The following TNFRSF10D variants were observed in gnomAD, a reference collection of about 807,000 sequenced individuals.
TNFRSF10D encodes TNF receptor superfamily member 10d.
Under a neutral mutation model 42.1 loss-of-function variants are expected in TNFRSF10D, and 28 were observed. That is an observed-to-expected ratio of 0.66 (90% CI 0.49 to 0.91). The LOEUF is 0.91. Ranked by LOEUF, TNFRSF10D falls within the 40% of genes least tolerant of loss-of-function variation. TNFRSF10D has a pLI of 0.00. For synonymous variants in TNFRSF10D, 186 were observed against 189.4 expected, an observed-to-expected ratio of 0.98 and a Z score of 0.15; for missense variants, 503 against 486.1, an observed-to-expected ratio of 1.03 and a Z score of -0.33.
At chr8:23,157,467 C>G (rs186171553) in intron 1 of TNFRSF10D, among the ~76,000 whole-genome samples, 686 of 151,644 alleles carry the variant, frequency 4.5e-3, no homozygotes, top group African/African-American at 0.014. Flanking sequence ...TATCCCAGAA[C>G]CCAGTCTATC....
At chr8:23,148,653 A>C in intron 2 of TNFRSF10D, 102 bp from the exon 3 acceptor site, 1 of 785,064 alleles carries the variant, frequency 1.3e-6, no homozygotes, top group Non-Finnish European at 2.1e-6. Flanking sequence ...GAATCCAGAC[A>C]GAGAAATCTG....
chr8:23,158,286 A>G (rs930404160), intron 1 of TNFRSF10D, among the ~76,000 whole-genome samples: 1 of 152,202 alleles, frequency 6.6e-6, no homozygotes, highest in Non-Finnish European at 1.5e-5. Flanking sequence ...CTGTGGACCC[A>G]TACGGATTCG....
chr8:23,164,006 C>T lies in TNFRSF10D; in HGVS notation c.-71G>A. ...ATCGTCCCCGTAGTTTGTGCGCGTG[C>T]AAAGGTTCTCGCAGCTACACTGCCA... is the stretch of plus-strand genomic sequence containing the variant. On this transcript the variant is annotated 5_prime_UTR_variant, in exon 1 of 9. Coordinates refer to ENST00000312584, the MANE Select transcript of TNFRSF10D (RefSeq NM_003840.5). 1 of 1,469,784 alleles carries T rather than the reference C, an allele frequency of 6.8e-7. No individual in the cohort carries two copies. The highest frequency in any genetic ancestry group is 2.6e-5 in the East Asian group (1 of 38,916). 91.0% of individuals were successfully genotyped at this position (1,469,784 alleles called of 1,614,324 possible). A position where few individuals can be genotyped will look rare whatever the true frequency, so the allele number is the denominator to read the frequency against.
intron 1 of TNFRSF10D, among the ~76,000 whole-genome samples, chr8:23,158,207 C>G (rs1800307351): frequency 6.6e-6 from 1 of 152,210 alleles, no homozygotes; most frequent in Non-Finnish European, 1.5e-5. Context: ...AAACTTGCCT[C>G]TGTCTCTCCT....
At chr8:23,153,315 G>A (rs745534696) in intron 2 of TNFRSF10D, among the ~76,000 whole-genome samples, 6 of 152,170 alleles carry the variant, frequency 3.9e-5, no homozygotes, top group Non-Finnish European at 8.8e-5. Flanking sequence ...TGTGGGCATT[G>A]ATTTCTTGGC....
chr8:23,160,510 A>G (rs1800352255), intron 1 of TNFRSF10D, among the ~76,000 whole-genome samples: 3 of 152,216 alleles, frequency 2.0e-5, no homozygotes, highest in South Asian at 4.1e-4. Flanking sequence ...AATGCTGGAG[A>G]CATTGCTCCT....
intron 2 of TNFRSF10D, among the ~76,000 whole-genome samples, chr8:23,149,123 G>C (rs1029386916): frequency 3.5e-5 from 5 of 141,036 alleles, no homozygotes; most frequent in African/African-American, 1.3e-4. Context: ...CCGGGAGGCA[G>C]AGCTTGCAGT....
intron 4 of TNFRSF10D, 147 bp downstream of exon 4, chr8:23,146,814 G>A (rs1800126900): frequency 3.1e-6 from 2 of 652,988 alleles, no homozygotes; most frequent in East Asian, 2.6e-5. Flanking sequence ...ACCAGGAGGG[G>A]CCAACGCAGG....
chr8:23,161,705 C>G (rs10103096), intron 1 of TNFRSF10D, among the ~76,000 whole-genome samples: 26,340 of 151,734 alleles, frequency 0.17, 2,945 homozygotes, highest in East Asian at 0.58. Context: ...GATGAATCAC[C>G]TTTTACTTCC....
intron 3 of TNFRSF10D, among the ~76,000 whole-genome samples, chr8:23,147,993 A>C (rs896161218): frequency 4.2e-5 from 6 of 142,636 alleles, no homozygotes; most frequent in African/African-American, 1.6e-4. Context: ...TGAACTCAGG[A>C]GGCGGAGCTT....
intron 2 of TNFRSF10D, among the ~76,000 whole-genome samples, chr8:23,149,268 A>C (rs1800178303): frequency 6.6e-6 from 1 of 150,780 alleles, no homozygotes. Flanking sequence ...ACAGAGTTTC[A>C]CTCTTGTCAC....
At chr8:23,156,858 C>T (rs188832932) in intron 1 of TNFRSF10D, among the ~76,000 whole-genome samples, 771 of 151,938 alleles carry the variant, frequency 5.1e-3, no homozygotes, top group African/African-American at 0.016. Flanking sequence ...TAAGCCACCA[C>T]ACACAGTCCG....
intron 4 of TNFRSF10D, among the ~76,000 whole-genome samples, chr8:23,146,225 T>G (rs1800118100): frequency 6.6e-6 from 1 of 152,190 alleles, no homozygotes; most frequent in Non-Finnish European, 1.5e-5. Context: ...GGAGCCGCAC[T>G]CCAGGGGAAG....
chr8:23,147,791 G>A (rs1372355822), intron 3 of TNFRSF10D, among the ~76,000 whole-genome samples: 5 of 152,010 alleles, frequency 3.3e-5, no homozygotes, highest in East Asian at 1.9e-4. Flanking sequence ...GGCTGGGCAC[G>A]GTGGCTCATG....
intron 6 of TNFRSF10D, among the ~76,000 whole-genome samples, 192 bp from the exon 7 acceptor site, chr8:23,144,827 G>A (rs1800091271): frequency 6.6e-6 from 1 of 152,164 alleles, no homozygotes; most frequent in South Asian, 2.1e-4. Context: ...CAGCTGTGGA[G>A]TGATGGTGTC....
At chr8:23,151,691 G>A (rs1800214135) in intron 2 of TNFRSF10D, among the ~76,000 whole-genome samples, 1 of 152,110 alleles carries the variant, frequency 6.6e-6, no homozygotes, top group South Asian at 2.1e-4. Context: ...TTTTTTATGA[G>A]ATCAAAGATA....
rs1413363739 is a variant in TNFRSF10D at position 23,137,939 on chromosome 8, G to GT, written c.1091dup (p.Asp364GlufsTer12). On this transcript the variant is annotated frameshift_variant, in exon 9 of 9. Coordinates refer to ENST00000312584, the MANE Select transcript of TNFRSF10D (RefSeq NM_003840.5). LOFTEE classifies it low-confidence loss of function (END_TRUNC). ...AGAGCTTTTCGGAGCCCACCAGTTG[G>GT]TCCTGAATTGTTTCCTTTGCATGTC... 2 of 1,614,192 alleles carry GT rather than the reference G, an allele frequency of 1.2e-6. No individual in the cohort carries two copies. The highest frequency in any genetic ancestry group is 3.3e-5 in the Admixed American group (2 of 60,020).
At chr8:23,154,435 G>A (rs1440521977) in intron 2 of TNFRSF10D, among the ~76,000 whole-genome samples, 10 of 152,170 alleles carry the variant, frequency 6.6e-5, no homozygotes, top group African/African-American at 2.4e-4. Flanking sequence ...ATACACCCCA[G>A]GTACATATGC....
Position 23,163,793 on chromosome 8 carries a change from A to T in TNFRSF10D, c.143T>A (p.Leu48Gln). The T allele has an allele frequency of 6.2e-7, 1 of 1,609,536 alleles. No individual in the cohort carries two copies. Among genetic ancestry groups the T allele is most frequent in the Non-Finnish European group, 8.5e-7 (1 of 1,178,670 alleles). Reference protein sequence around the residue: ...LKFVVFIVAVLLPVRVDSATI... With the variant: ...LKFVVFIVAVQLPVRVDSATI... ...ACCGCGGCGGAGACTCACCGGCAGCAGAACCGCGACGATGAAGACGACGAA... is the reference window on the plus strand; with the variant it reads ...ACCGCGGCGGAGACTCACCGGCAGCTGAACCGCGACGATGAAGACGACGAA... Residue 48 changes from leucine (L) to glutamine (Q), a missense_variant, in exon 1 of 9, where the codon CTG becomes CAG. Coordinates refer to ENST00000312584, the MANE Select transcript of TNFRSF10D (RefSeq NM_003840.5).
Sources: allele counts gnomAD v4.1 joint callset (sites outside exome capture counted in the v4.1 genomes callset), GRCh38; gene constraint gnomAD v4.1.1; transcripts MANE v1.5; gene names NCBI Gene and HGNC (gene_info 2026-07-23, HGNC 2026-07-21).